The following C3orf49 variants were observed in gnomAD, a reference collection of about 807,000 sequenced individuals.
C3orf49 encodes putative uncharacterized protein C3orf49.
A neutral mutation model predicts 13.3 loss-of-function variants in C3orf49; 27 were observed. The observed-to-expected ratio is 2.02, with a 90% CI of 1.49 to 2.79. C3orf49 has a LOEUF of 2.79. Among genes scored for constraint, C3orf49 ranks in the 30% most tolerant of loss-of-function variants. The probability of loss-of-function intolerance (pLI) is 0.00; values close to 1 mark genes in which losing one functional copy is unlikely to be tolerated. For missense variants in C3orf49, 242 were observed against 134.2 expected (o/e 1.80, Z -3.97); for synonymous variants, 87 against 47.6 (o/e 1.83, Z -3.40).
At chr3:63,780,373 A>G in the C3orf49 span, among the ~76,000 whole-genome samples, 573 of 152,212 alleles carry the variant, frequency 3.8e-3, 3 homozygotes, top group Non-Finnish European at 6.1e-3. Context: ...ACATTTTCTT[A>G]ATCCAGTCTA....
At chr3:63,800,635 T>C in the C3orf49 span, among the ~76,000 whole-genome samples, 1 of 152,094 alleles carries the variant, frequency 6.6e-6, no homozygotes, top group Non-Finnish European at 1.5e-5. Flanking sequence ...TCATTTCCAT[T>C]TTACTAAGGT....
intron 5 of C3orf49, among the ~76,000 whole-genome samples, chr3:63,840,688 T>C (rs73120894): frequency 0.17 from 25,880 of 152,244 alleles, 2,756 homozygotes; most frequent in East Asian, 0.25. Flanking sequence ...TGAGCTAGTG[T>C]TCTTTCCTGG....
At chr3:63,834,532 C>T (rs1457735893) in intron 5 of C3orf49, among the ~76,000 whole-genome samples, 1 of 151,840 alleles carries the variant, frequency 6.6e-6, no homozygotes, top group Non-Finnish European at 1.5e-5. Context: ...TGGTGGCATG[C>T]ACCTGTAATT....
At chr3:63,822,292 A>C (rs1243352521) in intron 1 of C3orf49, among the ~76,000 whole-genome samples, 1 of 152,194 alleles carries the variant, frequency 6.6e-6, no homozygotes. Context: ...TGTATTTCTT[A>C]CAATTGCATG....
chr3:63,808,928 T>C, the C3orf49 span, among the ~76,000 whole-genome samples: 1 of 152,140 alleles, frequency 6.6e-6, no homozygotes, highest in Non-Finnish European at 1.5e-5. Flanking sequence ...GTACCTGTGG[T>C]GTCCTCTGGC....
the C3orf49 span, among the ~76,000 whole-genome samples, chr3:63,798,647 T>A: frequency 6.6e-6 from 1 of 152,134 alleles, no homozygotes; most frequent in African/African-American, 2.4e-5. Flanking sequence ...ATATAAAGAC[T>A]GAAACAAATG....
chr3:63,818,454 C>T (rs999919908), upstream of C3orf49, among the ~76,000 whole-genome samples: 1 of 152,188 alleles, frequency 6.6e-6, no homozygotes, highest in African/African-American at 2.4e-5. Context: ...ATCAGCGTCA[C>T]CTGCGGGTTT....
At chr3:63,845,206 G>T (rs1701862986) in intron 6 of C3orf49, 124 bp downstream of exon 6, 2 of 475,350 alleles carry the variant, frequency 4.2e-6, no homozygotes, top group South Asian at 9.6e-5. Flanking sequence ...GATATCTTTG[G>T]CTTTGGGGGT....
At chr3:63,784,329 C>T in the C3orf49 span, among the ~76,000 whole-genome samples, 3 of 152,186 alleles carry the variant, frequency 2.0e-5, no homozygotes, top group Non-Finnish European at 4.4e-5. Flanking sequence ...TGTGCATAAT[C>T]ACTCTTCCAT....
At chr3:63,820,614 G>C (rs769577569) in intron 1 of C3orf49, among the ~76,000 whole-genome samples, 3 of 152,118 alleles carry the variant, frequency 2.0e-5, no homozygotes, top group Non-Finnish European at 4.4e-5. Flanking sequence ...TATTTGCATT[G>C]TTCTGTGTCA....
chr3:63,800,899 A>C, the C3orf49 span, among the ~76,000 whole-genome samples: 217 of 152,264 alleles, frequency 1.4e-3, no homozygotes, highest in Non-Finnish European at 2.6e-3. Context: ...TTGTGCCAAG[A>C]AGGCAGGATA....
At chr3:63,839,177 G>C (rs1483174615) in intron 5 of C3orf49, among the ~76,000 whole-genome samples, 1 of 152,060 alleles carries the variant, frequency 6.6e-6, no homozygotes, top group African/African-American at 2.4e-5. Context: ...ACAACAGAAT[G>C]AGACTCTGTC....
chr3:63,826,786 T>G (rs1701468644), intron 2 of C3orf49: 1 of 152,056 alleles, frequency 6.6e-6, no homozygotes, highest in South Asian at 2.1e-4. Flanking sequence ...GGAAAATGTC[T>G]CATTTAGTGA....
intron 3 of C3orf49, 72 bp downstream of exon 3, chr3:63,827,797 A>T (rs1701484293): frequency 3.0e-6 from 2 of 670,662 alleles, no homozygotes; most frequent in African/African-American, 3.5e-5. Flanking sequence ...GCAAAAACCA[A>T]GTTCTGTCCT....
intron 3 of C3orf49, among the ~76,000 whole-genome samples, chr3:63,829,727 G>A (rs991867785): frequency 6.6e-6 from 1 of 152,056 alleles, no homozygotes; most frequent in African/African-American, 2.4e-5. Flanking sequence ...TTGGGAGGCT[G>A]GTAAGGGAGG....
At chr3:63,822,840 C>G (rs1329380358) in intron 1 of C3orf49, among the ~76,000 whole-genome samples, 1 of 152,182 alleles carries the variant, frequency 6.6e-6, no homozygotes, top group Non-Finnish European at 1.5e-5. Flanking sequence ...ACTGCCAAAT[C>G]TAGCAAAAAC....
chr3:63,811,177 C>T, the C3orf49 span, among the ~76,000 whole-genome samples: 3 of 152,152 alleles, frequency 2.0e-5, no homozygotes, highest in African/African-American at 4.8e-5. Flanking sequence ...GCAGGGCTGG[C>T]ATTTTATTAT....
intron 5 of C3orf49, among the ~76,000 whole-genome samples, chr3:63,834,878 A>G (rs982313135): frequency 6.6e-6 from 1 of 152,192 alleles, no homozygotes; most frequent in African/African-American, 2.4e-5. Context: ...ATAGTAGTCA[A>G]CTACAGTGAA....
chr3:63,816,188 T>A (rs1701322950), upstream of C3orf49, among the ~76,000 whole-genome samples: 1 of 152,064 alleles, frequency 6.6e-6, no homozygotes, highest in East Asian at 1.9e-4. Flanking sequence ...CTGAAACAAT[T>A]TTCTATTGGT....
Sources: allele counts gnomAD v4.1 joint callset (sites outside exome capture counted in the v4.1 genomes callset), GRCh38; gene constraint gnomAD v4.1.1; transcripts MANE v1.5; gene names NCBI Gene and HGNC (gene_info 2026-07-23, HGNC 2026-07-21).